The following TMEM132D variants were observed in gnomAD, a reference collection of about 807,000 sequenced individuals.
TMEM132D encodes transmembrane protein 132D.
Under a neutral mutation model 62.3 loss-of-function variants are expected in TMEM132D, and 21 were observed. That is an observed-to-expected ratio of 0.34 (90% confidence interval 0.24 to 0.49). The LOEUF (loss-of-function observed/expected upper bound fraction) is 0.49. Ranked by LOEUF, TMEM132D falls within the 20% of genes least tolerant of loss-of-function variation. The probability of loss-of-function intolerance (pLI) is 0.99; values close to 1 mark genes in which losing one functional copy is unlikely to be tolerated. For missense variants in TMEM132D, 1,346 were observed against 1,402.8 expected, an observed-to-expected ratio of 0.96 and a Z score of 0.65; for synonymous variants, 621 against 575.6, an observed-to-expected ratio of 1.08 and a Z score of -1.13.
At chr12:129,613,092 A>T (rs1268275593) in intron 2 of TMEM132D, among the ~76,000 whole-genome samples, 2 of 152,152 alleles carry the variant, frequency 1.3e-5, no homozygotes, top group African/African-American at 2.4e-5. Flanking sequence ...ACATTCTGAT[A>T]TTAAACCTTT....
At chr12:129,613,669 GAGAGGACTGTCTCCAGCACCC>G (rs1340346407) in intron 2 of TMEM132D, among the ~76,000 whole-genome samples, 1 of 152,220 alleles carries the variant, frequency 6.6e-6, no homozygotes, top group Non-Finnish European at 1.5e-5. Context: ...CATCAGAACC[GAGAGGACTGTCTCCAGCACCC>G]AGAAGACTGG....
chr12:129,740,656 A>C (rs1340634633), intron 1 of TMEM132D, among the ~76,000 whole-genome samples: 1 of 152,214 alleles, frequency 6.6e-6, no homozygotes, highest in Non-Finnish European at 1.5e-5. Flanking sequence ...CCACATACCC[A>C]ACATTACAAA....
At chr12:129,718,731 G>A (rs1271041439) in intron 1 of TMEM132D, among the ~76,000 whole-genome samples, 6 of 152,086 alleles carry the variant, frequency 3.9e-5, no homozygotes, top group Non-Finnish European at 8.8e-5. Flanking sequence ...CCATTTGCCG[G>A]CTTTCCCTCT....
At chr12:129,168,653 G>A (rs1409825718) in intron 5 of TMEM132D, among the ~76,000 whole-genome samples, 2 of 152,178 alleles carry the variant, frequency 1.3e-5, no homozygotes. Context: ...GGGCTCTACA[G>A]ACATTTAAGG....
At chr12:129,104,926 C>G (rs1401786137) in intron 5 of TMEM132D, among the ~76,000 whole-genome samples, 2 of 147,554 alleles carry the variant, frequency 1.4e-5, no homozygotes, top group South Asian at 2.1e-4. Context: ...GAAATAGGAA[C>G]AGTTTTACAC....
intron 3 of TMEM132D, among the ~76,000 whole-genome samples, chr12:129,446,412 C>T (rs1043406231): frequency 9.9e-5 from 15 of 152,110 alleles, no homozygotes; most frequent in South Asian, 4.1e-4. Context: ...AACACTCTGG[C>T]GTATTCATTC....
chr12:129,582,993 G>GAGGTC lies in TMEM132D; in HGVS notation c.969-51789_969-51788insGACCT, dbSNP rs1877920170. Among the ~76,000 whole-genome samples, 3 of 151,864 alleles carry GAGGTC rather than the reference G, an allele frequency of 2.0e-5. No homozygotes were observed. The South Asian group carries it at 6.2e-4, about 31-fold the overall frequency. On this transcript the variant is annotated intron_variant, in intron 2 of 8. Coordinates refer to ENST00000422113, the MANE Select transcript of TMEM132D (RefSeq NM_133448.3). ...TCACCAGGCTGGAGTGCAGTGGCAC[G>GAGGTC]AGCTCAGCTCACTGCAATATTGGCC...
chr12:129,619,633 A>C (rs1879011678), intron 2 of TMEM132D, among the ~76,000 whole-genome samples: 1 of 152,188 alleles, frequency 6.6e-6, no homozygotes, highest in African/African-American at 2.4e-5. Context: ...TTAACAGAAA[A>C]GGTATCACTG....
chr12:129,573,682 T>C (rs1408251559), intron 2 of TMEM132D, among the ~76,000 whole-genome samples: 5 of 151,998 alleles, frequency 3.3e-5, no homozygotes, highest in Non-Finnish European at 7.4e-5. Context: ...AGCCTCAAAC[T>C]AGAAAAAGCC....
chr12:129,182,070 A>C (rs1463201816), intron 5 of TMEM132D, among the ~76,000 whole-genome samples: 1 of 152,104 alleles, frequency 6.6e-6, no homozygotes, highest in African/African-American at 2.4e-5. Flanking sequence ...TATGGATAGA[A>C]AGAGGAGCTG....
At chr12:129,112,497 A>C (rs948931530) in intron 5 of TMEM132D, among the ~76,000 whole-genome samples, 4 of 152,232 alleles carry the variant, frequency 2.6e-5, no homozygotes, top group Non-Finnish European at 5.9e-5. Flanking sequence ...CCCCGTCTCT[A>C]CTAAAAATAT....
chr12:129,500,478 T>C (rs927971686), intron 3 of TMEM132D, among the ~76,000 whole-genome samples: 1 of 152,162 alleles, frequency 6.6e-6, no homozygotes, highest in African/African-American at 2.4e-5. Context: ...TTGCTAACAA[T>C]TGTGTAGACT....
intron 3 of TMEM132D, among the ~76,000 whole-genome samples, chr12:129,430,643 A>G (rs1423341475): frequency 1.3e-5 from 2 of 151,914 alleles, no homozygotes; most frequent in African/African-American, 4.8e-5. Flanking sequence ...CCTAAATCCC[A>G]CTCAGCCTCA....
At chr12:129,742,662 C>G (rs977316248) in intron 1 of TMEM132D, among the ~76,000 whole-genome samples, 1 of 152,132 alleles carries the variant, frequency 6.6e-6, no homozygotes, top group Non-Finnish European at 1.5e-5. Context: ...ATTTGATACT[C>G]ACAACACAAA....
intron 5 of TMEM132D, among the ~76,000 whole-genome samples, chr12:129,171,150 T>G (rs1423699295): frequency 6.6e-6 from 1 of 152,342 alleles, no homozygotes; most frequent in East Asian, 1.9e-4. Context: ...CCTAAGACCT[T>G]TGTTGTCATT....
At chr12:129,511,630 A>G (rs546958175) in intron 3 of TMEM132D, among the ~76,000 whole-genome samples, 94 of 152,276 alleles carry the variant, frequency 6.2e-4, no homozygotes, top group African/African-American at 2.2e-3. Flanking sequence ...CCATCTGTAT[A>G]TCTACTTTTG....
chr12:129,514,784 T>A (rs1341818672), intron 3 of TMEM132D, among the ~76,000 whole-genome samples: 1 of 152,186 alleles, frequency 6.6e-6, no homozygotes, highest in Non-Finnish European at 1.5e-5. Flanking sequence ...ATTCTCTTGA[T>A]AGCTATGATT....
chr12:129,551,648 A>G (rs1490304139), intron 2 of TMEM132D, among the ~76,000 whole-genome samples: 2 of 152,158 alleles, frequency 1.3e-5, no homozygotes, highest in African/African-American at 2.4e-5. Flanking sequence ...GATTTCTTCC[A>G]TCTGTGCCAG....
At chr12:129,076,808 G>T (rs1344207049) in intron 8 of TMEM132D, among the ~76,000 whole-genome samples, 2 of 152,190 alleles carry the variant, frequency 1.3e-5, no homozygotes, top group Admixed American at 1.3e-4. Flanking sequence ...TGCATGTCAG[G>T]AACGGATTAG....
Sources: gnomAD v4.1 joint callset for allele counts (sites outside exome capture counted in the v4.1 genomes callset) on GRCh38, gnomAD v4.1.1 for gene constraint, MANE v1.5 for transcripts, NCBI Gene and HGNC (gene_info 2026-07-23, HGNC 2026-07-21) for gene names.